The following NYNRIN variants were observed in gnomAD, a reference collection of about 807,000 sequenced individuals.
NYNRIN encodes the protein NYN domain and retroviral integrase containing, also known as protein NYNRIN.
A neutral mutation model predicts 146.6 loss-of-function variants in NYNRIN; 86 were observed. That is an observed-to-expected ratio of 0.59 (90% confidence interval 0.49 to 0.70). NYNRIN has a LOEUF of 0.70. Among genes scored for constraint, NYNRIN ranks in the 30% least tolerant of loss-of-function variants. The pLI, the probability that NYNRIN is intolerant of heterozygous loss-of-function variation, is 0.00. For synonymous variants in NYNRIN, 1,027 were observed against 1,001.3 expected, an observed-to-expected ratio of 1.03 and a Z score of -0.48; for missense variants, 2,191 against 2,377.7, an observed-to-expected ratio of 0.92 and a Z score of 1.63.
At chr14:24,405,253 G>A (rs58338807) in intron 2 of NYNRIN, among the ~76,000 whole-genome samples, 29,763 of 152,092 alleles carry the variant, frequency 0.2, 3,295 homozygotes, top group East Asian at 0.53. Context: ...GACAATGAAT[G>A]ATAACTGACT....
chr14:24,415,761 CCT>C lies in NYNRIN; in HGVS notation c.4013_4014del (p.Pro1338ArgfsTer63). ...GLYVLSPTSP[P>X]VSLSFSCSPY... ...CTATGTTCTATCGCCCACCAGCCCC[CCT>C]GTCTCCCTTTCCTTCTCCTGCTCCC... On this transcript the variant is annotated frameshift_variant, in exon 9 of 9. Coordinates refer to ENST00000382554, the MANE Select transcript of NYNRIN (RefSeq NM_025081.3). LOFTEE classifies it high-confidence loss of function. 3.7e-6 allele frequency: 6 copies of C among 1,613,980 alleles called. No individual in the cohort carries two copies. Among genetic ancestry groups the C allele is most frequent in the Non-Finnish European group, 4.2e-6 (5 of 1,179,870 alleles).
intron 2 of NYNRIN, among the ~76,000 whole-genome samples, chr14:24,400,152 T>C (rs1244116693): frequency 6.6e-6 from 1 of 152,046 alleles, no homozygotes; most frequent in Non-Finnish European, 1.5e-5. Flanking sequence ...TCTTCCCAGA[T>C]TCCCAGCCCT....
At chr14:24,407,167 A>G (rs919632560) in intron 2 of NYNRIN, among the ~76,000 whole-genome samples, 14 of 152,252 alleles carry the variant, frequency 9.2e-5, no homozygotes, top group African/African-American at 3.4e-4. Context: ...GGAGGTGGAA[A>G]AATTTCTAGT....
chr14:24,408,876 C>CG lies in NYNRIN; in HGVS notation c.1087dup (p.Ala363GlyfsTer11). ...GGGCCAGCCTTTGGGCCATTGTGGC[C>CG]GGGGGCTATTGCTGCAACCTTCTGG... On this transcript the variant is annotated frameshift_variant, in exon 4 of 9. Transcript: ENST00000382554. LOFTEE classifies it high-confidence loss of function. 6.2e-7 allele frequency: 1 copy of CG among 1,613,998 alleles called. No individual in the cohort carries two copies. The highest frequency in any genetic ancestry group is 8.5e-7 in the Non-Finnish European group (1 of 1,179,876).
Position 24,418,491 on chromosome 14 carries a change from A to T in NYNRIN, c.*1045A>T. 5.9e-6 allele frequency: 2 copies of T among 339,518 alleles called. No homozygotes were observed. Among genetic ancestry groups the T allele is most frequent in the South Asian group, 4.3e-5 (2 of 46,370 alleles). 21.0% of individuals were successfully genotyped at this position (339,518 alleles called of 1,614,324 possible). ...CTGTATCACCCCCCGAGTCCTGTGG[A>T]CCTGCCTTCTGTGTAGAGCAAAACC... On this transcript the variant is annotated 3_prime_UTR_variant, in exon 9 of 9. Transcript: ENST00000382554.
chr14:24,402,315 G>T (rs1278743810), intron 2 of NYNRIN, among the ~76,000 whole-genome samples: 1 of 152,144 alleles, frequency 6.6e-6, no homozygotes, highest in African/African-American at 2.4e-5. Context: ...GTAATGATCA[G>T]AAGAGGCCCG....
In NYNRIN at chr14:24,418,322, A is replaced by C. The variant is rs1307268171; in HGVS notation, c.*876A>C. On this transcript the variant is annotated 3_prime_UTR_variant, in exon 9 of 9. Coordinates refer to ENST00000382554, the MANE Select transcript of NYNRIN (RefSeq NM_025081.3). The stretch of plus-strand genomic sequence containing the variant: ...TGTTTTAAGGGGGCAGGGCGTCTGC[A>C]ACAGGAGTGGCACACGGTGAAGTGC... The C allele has an allele frequency of 4.4e-6, 2 of 455,508 alleles. No homozygotes were observed. The highest frequency in any genetic ancestry group is 4.0e-5 in the African/African-American group (2 of 50,030). The allele number at this position is 455,508 out of a possible 1,614,324, so 28.2% of individuals were successfully genotyped here.
In NYNRIN at chr14:24,409,193, G is replaced by A. The variant is rs149771079; in HGVS notation, c.1399G>A (p.Asp467Asn). Residue 467 changes from aspartate to asparagine, a missense_variant, in exon 4 of 9, where the codon GAT becomes AAT. Physicochemically the swap from Asp to Asn is conservative, Grantham distance 23 (BLOSUM62 1). This residue lies in a region of NYNRIN where 895 missense variants were observed against 941.2 expected (regional missense o/e 0.95). Coordinates refer to ENST00000382554, the MANE Select transcript of NYNRIN (RefSeq NM_025081.3). ...TSLLVVPGSS[D>N]VKDKVSSDLP... ...TTTATTGGTGGTCCCTGGGAGCTCA[G>A]ATGTAAAAGACAAAGTTAGCTCGGA... is the stretch of plus-strand genomic sequence containing the variant. 2.5e-4 allele frequency: 406 copies of A among 1,613,910 alleles called. 4 individuals carry two copies. The East Asian group carries it at 8.8e-3, about 35-fold the overall frequency.
chr14:24,410,709 G>T (rs1002356178), intron 4 of NYNRIN, among the ~76,000 whole-genome samples: 8 of 152,228 alleles, frequency 5.3e-5, no homozygotes, highest in Non-Finnish European at 1.2e-4. Context: ...CCACATGATA[G>T]AGTAGTTATC....
intron 4 of NYNRIN, 33 bp downstream of exon 4, chr14:24,410,241 A>G (rs752587600): frequency 2.6e-6 from 4 of 1,525,596 alleles, no homozygotes; most frequent in Non-Finnish European, 2.7e-6. Flanking sequence ...TGGGCTGGGG[A>G]TGCTGTGGAC....
chr14:24,413,635 C>T (rs968347355), intron 8 of NYNRIN, among the ~76,000 whole-genome samples: 2 of 152,210 alleles, frequency 1.3e-5, no homozygotes, highest in Non-Finnish European at 2.9e-5. Context: ...TTTTAACATT[C>T]TACATGCATC....
chr14:24,399,509 G>A, intron 2 of NYNRIN, 65 bp downstream of exon 2: 1 of 1,410,044 alleles, frequency 7.1e-7, no homozygotes, highest in Non-Finnish European at 9.6e-7. Flanking sequence ...CCTTCCCCTG[G>A]GGAGATGGTG....
In NYNRIN at chr14:24,399,353, G is replaced by T; in HGVS notation, c.107G>T (p.Arg36Met). 1 of 1,613,864 alleles carries T rather than the reference G, an allele frequency of 6.2e-7. No homozygotes were observed. Among genetic ancestry groups the T allele is most frequent in the Non-Finnish European group, 8.5e-7 (1 of 1,179,848 alleles). Reference protein sequence around the residue: ...RQRLQVQRIFRVKLNAFQSRP... With the variant: ...RQRLQVQRIFMVKLNAFQSRP... ...CGGCTGCAAGTGCAGCGCATCTTTA[G>T]GGTCAAGCTGAACGCCTTCCAGAGC... The change falls in exon 2 of 9, where the codon AGG (arginine) becomes ATG (methionine). Residue 36 changes from arginine (R) to methionine (M), a missense_variant. Physicochemically the swap from Arg to Met is moderately conservative, Grantham distance 91. Around this residue, in one of 3 missense-constraint regions of NYNRIN, gnomAD observed 895 missense variants for 941.2 expected, o/e 0.95. Coordinates refer to ENST00000382554, the MANE Select transcript of NYNRIN (RefSeq NM_025081.3).
In NYNRIN at chr14:24,405,883, C is replaced by T. The variant is rs548776699; in HGVS notation, c.199-1986C>T. 1.4e-3 allele frequency among the ~76,000 whole-genome samples: 219 copies of T among 152,080 alleles called. 2 individuals are homozygous for T. The highest frequency in any genetic ancestry group is 5.1e-3 in the African/African-American group (212 of 41,464). On this transcript the variant is annotated intron_variant, in intron 2 of 8. Transcript: ENST00000382554. Reference sequence around the variant, plus strand: ...ATTTCTTAATTTTAAAATATCGGGCCGGGCACGGTGGCTCATACCTGTAAT... The same window carrying T: ...ATTTCTTAATTTTAAAATATCGGGCTGGGCACGGTGGCTCATACCTGTAAT...
At position 24,416,103 on chromosome 14, in the gene NYNRIN, G is replaced by C; in HGVS notation, c.4354G>C (p.Gly1452Arg). The C allele has an allele frequency of 1.2e-6, 2 of 1,613,982 alleles. No individual in the cohort carries two copies. Among genetic ancestry groups the C allele is most frequent in the South Asian group, 1.1e-5 (1 of 91,090 alleles). Residue 1452 changes from glycine (G) to arginine (R), a missense_variant, in exon 9 of 9, where the codon GGT (glycine) becomes CGT (arginine). Around this residue, in one of 3 missense-constraint regions of NYNRIN, gnomAD observed 1,291 missense variants for 1,417.0 expected, o/e 0.91. Coordinates refer to ENST00000382554, the MANE Select transcript of NYNRIN (RefSeq NM_025081.3). ...DTLAKQGAQG[G>R]GQWWSLPKDV... ...CCTGGCCAAGCAGGGTGCCCAGGGGGGTGGGCAGTGGTGGAGTTTGCCAAA... is the reference window on the plus strand; with the variant it reads ...CCTGGCCAAGCAGGGTGCCCAGGGGCGTGGGCAGTGGTGGAGTTTGCCAAA...
In NYNRIN at chr14:24,414,956, G is replaced by A. The variant is rs746972256; in HGVS notation, c.3207G>A (p.Trp1069Ter). The A allele has an allele frequency of 6.3e-7, 1 of 1,595,398 alleles. No individual in the cohort carries two copies. Among genetic ancestry groups the A allele is most frequent in the Admixed American group, 1.7e-5 (1 of 59,258 alleles). The change falls in exon 9 of 9, where the codon TGG becomes TGA. Residue 1069 changes from tryptophan to a stop codon, truncating the protein, a stop_gained. Transcript: ENST00000382554. LOFTEE classifies it high-confidence loss of function. ...GAASPYLGIP[W>*]DGKAPCQQVL... ...CTTCTCCCTACCTGGGCATCCCCTG[G>A]GATGGAAAGGCTCCCTGCCAGCAGG...
At chr14:24,405,541 G>C (rs66718133) in intron 2 of NYNRIN, among the ~76,000 whole-genome samples, 20,265 of 152,078 alleles carry the variant, frequency 0.13, 1,508 homozygotes, top group African/African-American at 0.19. Flanking sequence ...TTGGCTTTAG[G>C]CAGGAAAGCT....
At chr14:24,405,456 T>C (rs2042870626) in intron 2 of NYNRIN, among the ~76,000 whole-genome samples, 1 of 152,248 alleles carries the variant, frequency 6.6e-6, no homozygotes, top group Non-Finnish European at 1.5e-5. Context: ...TTCTGTATCA[T>C]CTTTCTACCT....
At chr14:24,402,702 G>A (rs1456885298) in intron 2 of NYNRIN, among the ~76,000 whole-genome samples, 1 of 152,184 alleles carries the variant, frequency 6.6e-6, no homozygotes, top group Admixed American at 6.5e-5. Context: ...ATTGGCAAAT[G>A]CGACAAATCA....
Sources: gnomAD v4.1 joint callset for allele counts (sites outside exome capture counted in the v4.1 genomes callset) on GRCh38, gnomAD v4.1.1 for gene constraint, gnomAD v4.1.1 regional missense constraint, MANE v1.5 for transcripts, NCBI Gene and HGNC (gene_info 2026-07-23, HGNC 2026-07-21) for gene names.